The following UBAC2 variants were observed in gnomAD, a reference collection of about 807,000 sequenced individuals.
UBAC2 encodes the protein ubiquitin-associated domain-containing protein 2.
UBAC2 carries 26 observed loss-of-function variants against 44.0 expected under a neutral mutation model. That is an observed-to-expected ratio of 0.59 (90% confidence interval 0.43 to 0.82). UBAC2 has a LOEUF of 0.82. Ranked by LOEUF, UBAC2 falls within the 40% of genes least tolerant of loss-of-function variation. The pLI, the probability that UBAC2 is intolerant of heterozygous loss-of-function variation, is 0.00. For missense variants in UBAC2, 329 were observed against 419.4 expected, an observed-to-expected ratio of 0.78 and a Z score of 1.88; for synonymous variants, 155 against 154.3, an observed-to-expected ratio of 1.00 and a Z score of -0.04.
intron 5 of UBAC2, 112 bp downstream of exon 5, chr13:99,314,332 A>T: frequency 7.8e-7 from 1 of 1,275,896 alleles, no homozygotes; most frequent in Non-Finnish European, 1.0e-6. Flanking sequence ...TTCCCCCCAT[A>T]ATCTTGGCTT....
intron 4 of UBAC2, among the ~76,000 whole-genome samples, chr13:99,269,685 C>A (rs978972979): frequency 6.6e-6 from 1 of 152,122 alleles, no homozygotes; most frequent in Non-Finnish European, 1.5e-5. Context: ...AAATAAATTA[C>A]ATTTTTCATA....
intron 6 of UBAC2, among the ~76,000 whole-genome samples, chr13:99,333,913 C>T (rs1282743783): frequency 6.6e-6 from 1 of 152,050 alleles, no homozygotes. Flanking sequence ...AAAAACTATG[C>T]ATTTTCATTA....
At chr13:99,217,130 C>T (rs986951369) in intron 1 of UBAC2, among the ~76,000 whole-genome samples, 2 of 152,164 alleles carry the variant, frequency 1.3e-5, no homozygotes, top group African/African-American at 4.8e-5. Flanking sequence ...GGCGCCTGGC[C>T]TCTTTCCTCG....
chr13:99,234,848 G>A (rs868422551), intron 1 of UBAC2, among the ~76,000 whole-genome samples: 3 of 152,196 alleles, frequency 2.0e-5, no homozygotes, highest in Non-Finnish European at 4.4e-5. Context: ...TGACATACTT[G>A]GGGGAAATGT....
At chr13:99,355,108 G>A (rs1566518829) in intron 7 of UBAC2, among the ~76,000 whole-genome samples, 1 of 152,210 alleles carries the variant, frequency 6.6e-6, no homozygotes, top group Admixed American at 6.5e-5. Context: ...GAAACCTTGA[G>A]TAATCCCCAG....
rs1024477295 is a variant in UBAC2 at position 99,301,703 on chromosome 13, A to T, written c.390-12394A>T. ...ATTTAGCATCTAAGAAAATCCCTAG[A>T]TACCCACTTGGAGGGATTTGTGATT... On this transcript the variant is annotated intron_variant, in intron 4 of 8. Transcript: ENST00000403766. 2.6e-5 allele frequency among the ~76,000 whole-genome samples: 4 copies of T among 152,176 alleles called. No homozygotes were observed. In the East Asian group the frequency reaches 7.7e-4, roughly 29 times the overall value.
intron 4 of UBAC2, chr13:99,254,798 A>G: frequency 9.4e-7 from 1 of 1,063,790 alleles, no homozygotes; most frequent in Non-Finnish European, 1.4e-6. Flanking sequence ...ACTTGATAGT[A>G]TTATACAGAA....
chr13:99,201,310 A>T, intron 1 of UBAC2: 1 of 1,489,290 alleles, frequency 6.7e-7, no homozygotes, highest in Non-Finnish European at 9.0e-7. Flanking sequence ...CCCCCTTACC[A>T]TGCCCCATTC....
chr13:99,299,734 C>T (rs2044229733), intron 4 of UBAC2, among the ~76,000 whole-genome samples: 1 of 152,106 alleles, frequency 6.6e-6, no homozygotes, highest in Non-Finnish European at 1.5e-5. Flanking sequence ...CATTGACTTA[C>T]TAGTTGTGTA....
In UBAC2 at chr13:99,312,286, T is replaced by C. The variant is rs1320008769; in HGVS notation, c.390-1811T>C. 2.0e-5 allele frequency among the ~76,000 whole-genome samples: 3 copies of C among 152,352 alleles called. No homozygotes were observed. In the East Asian group the frequency reaches 5.8e-4, roughly 29 times the overall value. On this transcript the variant is annotated intron_variant, in intron 4 of 8. Coordinates refer to ENST00000403766, the MANE Select transcript of UBAC2 (RefSeq NM_001144072.2). ...CAGTTCTTTGTAGAAGTGAAACATA[T>C]GTTTTGCATTTTTCTCGTGATAATG...
intron 4 of UBAC2, among the ~76,000 whole-genome samples, chr13:99,283,714 T>C (rs1307277109): frequency 3.0e-3 from 3 of 994 alleles, no homozygotes; most frequent in East Asian, 0.062. Flanking sequence ...TAATGCCACC[T>C]TTTTTTTTTT....
At chr13:99,338,519 G>A (rs1486996250) in intron 6 of UBAC2, among the ~76,000 whole-genome samples, 1 of 152,204 alleles carries the variant, frequency 6.6e-6, no homozygotes, top group African/African-American at 2.4e-5. Context: ...CTTATATGCT[G>A]CTTATATGCA....
chr13:99,340,451 C>G lies in UBAC2; in HGVS notation c.693C>G (p.Ala231=). ...CTTCTTCAGAACCCACCAGCGAAGC[C>G]AGAATTGGGATGGGAGCCACGCTGG... ...IFSSSEPTSE[A]RIGMGATLDI... The change falls in exon 7 of 9, where the codon GCC becomes GCG. Residue 231 remains alanine (A), a synonymous_variant. Transcript: ENST00000403766. The G allele has an allele frequency of 1.9e-6, 3 of 1,614,164 alleles. No homozygotes were observed. The highest frequency in any genetic ancestry group is 2.5e-6 in the Non-Finnish European group (3 of 1,180,050).
chr13:99,217,733 A>G (rs2043013539), intron 1 of UBAC2, among the ~76,000 whole-genome samples: 1 of 152,092 alleles, frequency 6.6e-6, no homozygotes, highest in Non-Finnish European at 1.5e-5. Flanking sequence ...GTTGGAGAGG[A>G]GAGTTACTTG....
At chr13:99,235,827 G>T (rs994454293) in intron 1 of UBAC2, among the ~76,000 whole-genome samples, 1 of 152,070 alleles carries the variant, frequency 6.6e-6, no homozygotes, top group Admixed American at 6.6e-5. Flanking sequence ...AATTAGCCAG[G>T]TGTGGTGGCT....
chr13:99,319,085 C>G (rs1034244824), intron 6 of UBAC2, among the ~76,000 whole-genome samples: 1 of 151,986 alleles, frequency 6.6e-6, no homozygotes, highest in Admixed American at 6.6e-5. Flanking sequence ...TGGACCTGAC[C>G]AAAGTCTCAT....
chr13:99,299,949 G>C (rs1456763221), intron 4 of UBAC2, among the ~76,000 whole-genome samples: 1 of 152,188 alleles, frequency 6.6e-6, no homozygotes, highest in Non-Finnish European at 1.5e-5. Context: ...CCTGGCTTCA[G>C]GTTTCTTCCT....
chr13:99,243,489 C>CA (rs1223154096), intron 2 of UBAC2, among the ~76,000 whole-genome samples: 1 of 151,930 alleles, frequency 6.6e-6, no homozygotes, highest in Non-Finnish European at 1.5e-5. Context: ...TAAAAATGAA[C>CA]ATTTGTTAGC....
intron 6 of UBAC2, among the ~76,000 whole-genome samples, chr13:99,338,798 C>G (rs1039321543): frequency 6.6e-6 from 1 of 152,220 alleles, no homozygotes; most frequent in African/African-American, 2.4e-5. Flanking sequence ...GTGGCTAGTT[C>G]TGTCTTACTT....
Sources: gnomAD v4.1 joint callset for allele counts (sites outside exome capture counted in the v4.1 genomes callset) on GRCh38, gnomAD v4.1.1 for gene constraint, MANE v1.5 for transcripts, NCBI Gene and HGNC (gene_info 2026-07-23, HGNC 2026-07-21) for gene names.